Variants in WDR36 observed in about 807,000 individuals in gnomAD.
WDR36 encodes WD repeat domain 36.
WDR36 carries 63 observed loss-of-function variants against 112.7 expected under a neutral mutation model. That is an observed-to-expected ratio of 0.56 (90% confidence interval 0.46 to 0.69). The LOEUF (loss-of-function observed/expected upper bound fraction) is 0.69. WDR36 is among the 30% of genes least tolerant of loss of function. The pLI is 0.00. For missense variants in WDR36, 1,226 were observed against 1,070.3 expected, an observed-to-expected ratio of 1.15 and a Z score of -2.03; for synonymous variants, 410 against 362.2, an observed-to-expected ratio of 1.13 and a Z score of -1.50.
At chr5:111,095,766 AG>A (rs1752964041) in intron 2 of WDR36, among the ~76,000 whole-genome samples, 1 of 152,228 alleles carries the variant, frequency 6.6e-6, no homozygotes, top group Non-Finnish European at 1.5e-5. Flanking sequence ...GTCAGCCTAT[AG>A]TGATTTTCTT....
At position 111,110,832 on chromosome 5, in the gene WDR36, C is replaced by T; in HGVS notation, c.1486C>T (p.Gln496Ter). 6.2e-7 allele frequency: 1 copy of T among 1,611,444 alleles called. No homozygotes were observed. The highest frequency in any genetic ancestry group is 8.5e-7 in the Non-Finnish European group (1 of 1,178,348). The change falls in exon 14 of 23, where the codon CAG (glutamine) becomes TAG (stop). Residue 496 changes from glutamine (Q) to a stop codon, truncating the protein, a stop_gained. Coordinates refer to ENST00000513710, the MANE Select transcript of WDR36 (RefSeq NM_139281.3). LOFTEE classifies it high-confidence loss of function. ...AGGTGTCGCAGTGGATGGATTAAACCAGTTGACAGTTACAACTGGTAGTGA... is the reference window on the plus strand; with the variant it reads ...AGGTGTCGCAGTGGATGGATTAAACTAGTTGACAGTTACAACTGGTAGTGA... ...VRGVAVDGLNQLTVTTGSEGL... is the reference protein window; with the variant it reads ...VRGVAVDGLN
chr5:111,124,998 A>T (rs988415734), intron 21 of WDR36, among the ~76,000 whole-genome samples: 35 of 152,198 alleles, frequency 2.3e-4, no homozygotes, highest in Non-Finnish European at 1.3e-4. Context: ...TTCTCAAATG[A>T]CTCATAAAAA....
At chr5:111,102,629 A>G (rs1285909552) in intron 6 of WDR36, among the ~76,000 whole-genome samples, 1 of 151,730 alleles carries the variant, frequency 6.6e-6, no homozygotes, top group Non-Finnish European at 1.5e-5. Flanking sequence ...TTTGACTTAA[A>G]TCTGTGGTTG....
chr5:111,093,508 G>C (rs549618240), intron 1 of WDR36, among the ~76,000 whole-genome samples: 1 of 152,342 alleles, frequency 6.6e-6, no homozygotes, highest in East Asian at 1.9e-4. Context: ...GGGCAGAGCT[G>C]AGGTGAAGAG....
Position 111,105,355 on chromosome 5 carries a change from G to C in WDR36, c.1088G>C (p.Gly363Ala). 6.2e-7 allele frequency: 1 copy of C among 1,609,538 alleles called. No individual in the cohort carries two copies. Among genetic ancestry groups the C allele is most frequent in the Non-Finnish European group, 8.5e-7 (1 of 1,176,856 alleles). The stretch of plus-strand genomic sequence containing the variant: ...CATGAAAAATTCAATAAGAGCTTGG[G>C]ACATGGTAGGTCCTCTACAAGACAA... ...TVHEKFNKSL[G>A]HGLINKKRVK... Residue 363 changes from glycine (G) to alanine (A), a missense_variant, in exon 10 of 23, where the codon GGA becomes GCA. Coordinates refer to ENST00000513710, the MANE Select transcript of WDR36 (RefSeq NM_139281.3).
rs1325333257 is a variant in WDR36 at position 111,103,825 on chromosome 5, G to T, written c.637G>T (p.Gly213Cys). 6.2e-7 allele frequency: 1 copy of T among 1,611,222 alleles called. No homozygotes were observed. Among genetic ancestry groups the T allele is most frequent in the South Asian group, 1.1e-5 (1 of 91,010 alleles). ...VDVVAIGLMS[G>C]QVIIHNIKFN... ...TGTTGTTGCTATTGGTCTTATGTCA[G>T]GTCAAGTTATCATTCACAACATTAA... The change falls in exon 7 of 23, where the codon GGT (glycine) becomes TGT (cysteine). Residue 213 changes from glycine to cysteine, a missense_variant. Physicochemically the swap from Gly to Cys is radical, Grantham distance 159. Coordinates refer to ENST00000513710, the MANE Select transcript of WDR36 (RefSeq NM_139281.3).
At chr5:111,107,521 A>T in intron 12 of WDR36, 82 bp downstream of exon 12, 1 of 1,551,334 alleles carries the variant, frequency 6.4e-7, no homozygotes, top group African/African-American at 1.4e-5. Flanking sequence ...TTCTCATCAT[A>T]ATATTGACTG....
intron 1 of WDR36, among the ~76,000 whole-genome samples, chr5:111,093,236 T>A (rs906373070): frequency 6.6e-6 from 1 of 152,238 alleles, no homozygotes; most frequent in African/African-American, 2.4e-5. Context: ...TAGTGATGAT[T>A]TTTTCTCCTA....
At chr5:111,094,621 A>G (rs1482366323) in intron 1 of WDR36, among the ~76,000 whole-genome samples, 1 of 152,218 alleles carries the variant, frequency 6.6e-6, no homozygotes, top group African/African-American at 2.4e-5. Context: ...TTTTCATGCT[A>G]CGGTGGCAGA....
intron 2 of WDR36, among the ~76,000 whole-genome samples, chr5:111,096,210 G>T (rs1044671223): frequency 6.6e-6 from 1 of 152,174 alleles, no homozygotes; most frequent in Non-Finnish European, 1.5e-5. Flanking sequence ...TATGTCACGT[G>T]AGAAATGCTA....
At chr5:111,109,493 A>G (rs1326464048) in intron 12 of WDR36, among the ~76,000 whole-genome samples, 1 of 151,396 alleles carries the variant, frequency 6.6e-6, no homozygotes, top group Non-Finnish European at 1.5e-5. Flanking sequence ...TGTATAAGTC[A>G]TCTGTTTAGA....
In WDR36 at chr5:111,107,456, A is replaced by G; in HGVS notation, c.1326+17A>G. 1 of 1,608,582 alleles carries G rather than the reference A, an allele frequency of 6.2e-7. No homozygotes were observed. Among genetic ancestry groups the G allele is most frequent in the Non-Finnish European group, 8.5e-7 (1 of 1,176,480 alleles). On this transcript the variant is annotated intron_variant, in intron 12 of 22. Transcript: ENST00000513710. ...ACTGCAACAGTAAGTGAGCTTGTTT[A>G]TAAGAGTATCTTCTCTTTAAAACTT...
At chr5:111,108,719 C>T (rs1376497994) in intron 12 of WDR36, among the ~76,000 whole-genome samples, 2 of 151,252 alleles carry the variant, frequency 1.3e-5, no homozygotes, top group Non-Finnish European at 3.0e-5. Flanking sequence ...TGGTTAGCTG[C>T]TTTTTATGGA....
At chr5:111,095,004 C>T in intron 2 of WDR36, 57 bp downstream of exon 2, 1 of 1,501,610 alleles carries the variant, frequency 6.7e-7, no homozygotes, top group South Asian at 1.2e-5. Flanking sequence ...TTTATTTTGA[C>T]ATAAATGTGA....
chr5:111,124,536 T>G (rs1025661728), intron 21 of WDR36, among the ~76,000 whole-genome samples: 1 of 152,172 alleles, frequency 6.6e-6, no homozygotes, highest in Non-Finnish European at 1.5e-5. Flanking sequence ...GCAAGTAATT[T>G]GCAAGTCTTT....
chr5:111,102,578 C>T (rs1753142586), intron 6 of WDR36, among the ~76,000 whole-genome samples, 179 bp downstream of exon 6: 1 of 151,708 alleles, frequency 6.6e-6, no homozygotes, highest in African/African-American at 2.4e-5. Context: ...AGTAATAATG[C>T]CTTTGCCAAT....
At chr5:111,108,943 G>T (rs940420737) in intron 12 of WDR36, among the ~76,000 whole-genome samples, 2 of 151,288 alleles carry the variant, frequency 1.3e-5, no homozygotes, top group South Asian at 4.1e-4. Context: ...AGCAAAGCTA[G>T]TAACCAATAA....
intron 16 of WDR36, among the ~76,000 whole-genome samples, chr5:111,115,253 G>A (rs1050894542): frequency 2.0e-5 from 3 of 152,150 alleles, no homozygotes; most frequent in Admixed American, 6.5e-5. Flanking sequence ...AATTTGAAGT[G>A]GACCAAATGA....
rs755618356 is a variant in WDR36 at position 111,105,365 on chromosome 5, G to C, written c.1093+5G>C. ...TCAATAAGAGCTTGGGACATGGTAG[G>C]TCCTCTACAAGACAAAATAAGCTGG... On this transcript the variant is annotated splice_donor_5th_base_variant and intron_variant, in intron 10 of 22. Transcript: ENST00000513710. 2 of 1,608,684 alleles carry C rather than the reference G, an allele frequency of 1.2e-6. No individual in the cohort carries two copies. Among genetic ancestry groups the C allele is most frequent in the Non-Finnish European group, 1.7e-6 (2 of 1,176,212 alleles).
Sources: gnomAD v4.1 joint callset for allele counts (sites outside exome capture counted in the v4.1 genomes callset) on GRCh38, gnomAD v4.1.1 for gene constraint, MANE v1.5 for transcripts, NCBI Gene and HGNC (gene_info 2026-07-23, HGNC 2026-07-21) for gene names.